Variants in WAPL observed in about 807,000 individuals in gnomAD.
The protein encoded by WAPL is wings apart-like protein homolog.
WAPL carries 5 observed loss-of-function variants against 121.0 expected under a neutral mutation model. The ratio of observed to expected loss-of-function variants is 0.04; its 90% CI spans 0.02 to 0.09. WAPL has a LOEUF of 0.09. Ranked by LOEUF, WAPL falls within the 10% of genes least tolerant of loss-of-function variation. The probability of loss-of-function intolerance (pLI) is 1.00; values close to 1 mark genes in which losing one functional copy is unlikely to be tolerated. For missense variants in WAPL, 999 were observed against 1,410.8 expected (o/e 0.71, Z 4.68); for synonymous variants, 480 against 481.5 (o/e 1.00, Z 0.04).
chr10:86,446,143 A>T, intron 16 of WAPL, 99 bp downstream of exon 16: 1 of 1,323,142 alleles, frequency 7.6e-7, no homozygotes, highest in Non-Finnish European at 1.1e-6. Context: ...CTCAAGCAAT[A>T]GCCAGATTAA....
intron 2 of WAPL, among the ~76,000 whole-genome samples, chr10:86,509,765 G>T (rs1003295190): frequency 5.9e-5 from 7 of 117,684 alleles, no homozygotes; most frequent in African/African-American, 2.1e-4. Context: ...AAGCTCTTTG[G>T]TTTTTTTTTT....
At chr10:86,493,994 C>T (rs931440420) in intron 4 of WAPL, among the ~76,000 whole-genome samples, 2 of 152,152 alleles carry the variant, frequency 1.3e-5, no homozygotes, top group African/African-American at 4.8e-5. Context: ...CAGAGCAAGA[C>T]TCTGCCTCAA....
At chr10:86,516,447 AAG>A (rs1017876566) in intron 2 of WAPL, among the ~76,000 whole-genome samples, 3 of 152,192 alleles carry the variant, frequency 2.0e-5, no homozygotes, top group Non-Finnish European at 2.9e-5. Flanking sequence ...CAGTACAGCC[AAG>A]TTTTGTCTGT....
intron 15 of WAPL, among the ~76,000 whole-genome samples, chr10:86,450,928 T>G (rs1840963164): frequency 6.6e-6 from 1 of 152,132 alleles, no homozygotes; most frequent in African/African-American, 2.4e-5. Context: ...AAAGAAACAC[T>G]CTCATTCACA....
intron 18 of WAPL, 55 bp downstream of exon 18, chr10:86,437,865 A>C: frequency 7.5e-7 from 1 of 1,333,036 alleles, no homozygotes; most frequent in South Asian, 1.2e-5. Flanking sequence ...TTTTATGTCT[A>C]CTGTCAATGT....
At position 86,500,049 on chromosome 10, in the gene WAPL, G is replaced by A; in HGVS notation, c.1194C>T (p.Leu398=). ...TPADLGEAGR[L]RKKADIATSK... ...AAGTTGCAATATCTGCCTTTTTTCT[G>A]AGACGACCAGCTTCTCCCAAATCTG... The change falls in exon 3 of 19, where the codon CTC becomes CTT. Residue 398 remains leucine, a synonymous_variant. Transcript: ENST00000298767. 1.2e-6 allele frequency: 2 copies of A among 1,613,588 alleles called. No homozygotes were observed. The highest frequency in any genetic ancestry group is 1.3e-5 in the African/African-American group (1 of 74,956).
At chr10:86,468,398 A>G (rs904573173) in intron 8 of WAPL, among the ~76,000 whole-genome samples, 10 of 151,656 alleles carry the variant, frequency 6.6e-5, no homozygotes, top group Middle Eastern at 3.4e-3. Context: ...GGGTTTCACC[A>G]TGTTGCCGAG....
intron 10 of WAPL, 30 bp downstream of exon 10, chr10:86,461,146 A>G (rs751504273): frequency 6.6e-7 from 1 of 1,517,450 alleles, no homozygotes; most frequent in Non-Finnish European, 9.1e-7. Flanking sequence ...TAAATAATAT[A>G]TAAAAACATT....
chr10:86,506,350 T>C (rs1326719614), intron 2 of WAPL, among the ~76,000 whole-genome samples: 1 of 152,276 alleles, frequency 6.6e-6, no homozygotes, highest in African/African-American at 2.4e-5. Flanking sequence ...ACTTAGGTAA[T>C]GGTTACAGGA....
intron 15 of WAPL, among the ~76,000 whole-genome samples, chr10:86,449,043 T>C (rs1339353871): frequency 2.0e-5 from 3 of 152,198 alleles, no homozygotes; most frequent in Admixed American, 2.0e-4. Context: ...ATCTGACTTT[T>C]TTTCCCCCAC....
At chr10:86,485,699 T>C (rs1042929952) in intron 4 of WAPL, among the ~76,000 whole-genome samples, 2 of 150,742 alleles carry the variant, frequency 1.3e-5, no homozygotes, top group Non-Finnish European at 2.9e-5. Flanking sequence ...TTTAATTACC[T>C]GGTTTAATAT....
intron 17 of WAPL, among the ~76,000 whole-genome samples, chr10:86,440,882 G>GGAAAAAAAAAAAAAA (rs1554825372): frequency 7.7e-6 from 1 of 130,530 alleles, no homozygotes; most frequent in Non-Finnish European, 1.6e-5. Flanking sequence ...TACACAAAGT[G>GGAAAAAAAAAAAAAA]AAAAAAAAAA....
intron 9 of WAPL, among the ~76,000 whole-genome samples, chr10:86,464,856 CA>C (rs1841364065): frequency 6.6e-6 from 1 of 151,920 alleles, no homozygotes; most frequent in Non-Finnish European, 1.5e-5. Context: ...AACAAACAAA[CA>C]AAAAAAAGTT....
At chr10:86,511,039 G>C (rs1026640480) in intron 2 of WAPL, among the ~76,000 whole-genome samples, 3 of 151,822 alleles carry the variant, frequency 2.0e-5, no homozygotes, top group African/African-American at 7.3e-5. Context: ...TGTTGACCAG[G>C]CTGGTTTTGA....
chr10:86,460,326 G>T, intron 11 of WAPL, 73 bp downstream of exon 11: 2 of 1,173,976 alleles, frequency 1.7e-6, no homozygotes, highest in Non-Finnish European at 2.5e-6. Flanking sequence ...TAAAATATTT[G>T]GCAGTCTCTC....
chr10:86,488,217 G>A (rs887374823), intron 4 of WAPL, among the ~76,000 whole-genome samples: 1 of 152,216 alleles, frequency 6.6e-6, no homozygotes, highest in African/African-American at 2.4e-5. Context: ...ATAGACATGT[G>A]TCTGTATATG....
chr10:86,489,915 GAC>G (rs1842007574), intron 4 of WAPL, among the ~76,000 whole-genome samples: 1 of 143,840 alleles, frequency 7.0e-6, no homozygotes, highest in African/African-American at 2.6e-5. Context: ...ACTACGTTAA[GAC>G]ACAGCTTAAG....
At chr10:86,467,547 TA>T in intron 8 of WAPL, 41 bp from the exon 9 acceptor site, 1 of 1,451,836 alleles carries the variant, frequency 6.9e-7, no homozygotes, top group Non-Finnish European at 9.4e-7. Context: ...AAACTTCATG[TA>T]AGCAACTCCT....
At chr10:86,496,288 T>C (rs890992698) in intron 4 of WAPL, among the ~76,000 whole-genome samples, 3 of 151,674 alleles carry the variant, frequency 2.0e-5, no homozygotes, top group African/African-American at 4.8e-5. Context: ...AAACAGAAAA[T>C]AGAAGTGCTG....
Sources: gnomAD v4.1 joint callset for allele counts (sites outside exome capture counted in the v4.1 genomes callset) on GRCh38, gnomAD v4.1.1 for gene constraint, MANE v1.5 for transcripts, NCBI Gene and HGNC (gene_info 2026-07-23, HGNC 2026-07-21) for gene names.